JAZF1: variants seen among roughly 807,000 people sequenced by gnomAD.
The protein encoded by JAZF1 is juxtaposed with another zinc finger protein 1.
JAZF1 carries 8 observed loss-of-function variants against 26.4 expected under a neutral mutation model. That is an observed-to-expected ratio of 0.30 (90% CI 0.18 to 0.55). The LOEUF is 0.55. Among genes scored for constraint, JAZF1 ranks in the 20% least tolerant of loss-of-function variants. JAZF1 has a pLI of 0.94. For synonymous variants in JAZF1, 126 were observed against 122.3 expected (o/e 1.03, Z -0.20); for missense variants, 199 against 322.0 (o/e 0.62, Z 2.92).
At chr7:28,031,573 T>C (rs1783194318) in intron 1 of JAZF1, among the ~76,000 whole-genome samples, 1 of 152,198 alleles carries the variant, frequency 6.6e-6, no homozygotes, top group African/African-American at 2.4e-5. Flanking sequence ...TGTACGTTTG[T>C]GTATGCATAA....
chr7:28,142,124 G>C (rs1487408441), intron 1 of JAZF1, among the ~76,000 whole-genome samples: 1 of 152,170 alleles, frequency 6.6e-6, no homozygotes, highest in Non-Finnish European at 1.5e-5. Context: ...TCTTAATGAT[G>C]TTCAAGCATT....
intron 1 of JAZF1, among the ~76,000 whole-genome samples, chr7:28,087,823 C>G (rs1190233501): frequency 2.0e-5 from 3 of 152,060 alleles, no homozygotes; most frequent in African/African-American, 7.2e-5. Context: ...TGTTTCCTTC[C>G]TTTTGTTTTC....
chr7:28,122,600 C>T (rs1054937579), intron 1 of JAZF1, among the ~76,000 whole-genome samples: 2 of 152,160 alleles, frequency 1.3e-5, no homozygotes, highest in African/African-American at 4.8e-5. Flanking sequence ...GAGGAACCAG[C>T]TGGGCCTGAG....
intron 1 of JAZF1, among the ~76,000 whole-genome samples, chr7:28,115,495 A>T (rs1021841670): frequency 7.9e-5 from 12 of 152,220 alleles, no homozygotes; most frequent in African/African-American, 2.9e-4. Flanking sequence ...AAACCACTAC[A>T]GCTAATACAA....
At chr7:27,937,506 T>A (rs1358005962) in intron 2 of JAZF1, among the ~76,000 whole-genome samples, 1 of 152,180 alleles carries the variant, frequency 6.6e-6, no homozygotes, top group Non-Finnish European at 1.5e-5. Flanking sequence ...TTATTCTGGT[T>A]TGCTTATAGA....
At chr7:28,130,771 G>A (rs1040782080) in intron 1 of JAZF1, among the ~76,000 whole-genome samples, 1 of 152,088 alleles carries the variant, frequency 6.6e-6, no homozygotes, top group Non-Finnish European at 1.5e-5. Context: ...CTCTCGAAAG[G>A]GTGCTCGCTC....
At chr7:28,028,424 G>T (rs959257125) in intron 1 of JAZF1, among the ~76,000 whole-genome samples, 3 of 152,194 alleles carry the variant, frequency 2.0e-5, no homozygotes, top group African/African-American at 7.2e-5. Context: ...ATTCTTAAGG[G>T]TCATGTAGCA....
chr7:27,921,476 T>C (rs984630897), intron 2 of JAZF1, among the ~76,000 whole-genome samples: 3 of 152,118 alleles, frequency 2.0e-5, no homozygotes, highest in African/African-American at 4.8e-5. Flanking sequence ...AAAAGCATAA[T>C]TGTCAAAACT....
intron 1 of JAZF1, among the ~76,000 whole-genome samples, chr7:28,113,221 G>A (rs17156404): frequency 0.019 from 2,948 of 152,258 alleles, 99 homozygotes; most frequent in African/African-American, 0.068. Flanking sequence ...TATGGCGACA[G>A]ACTACAGTAT....
intron 1 of JAZF1, among the ~76,000 whole-genome samples, chr7:28,120,003 A>G (rs894239946): frequency 2.6e-5 from 4 of 152,166 alleles, no homozygotes; most frequent in African/African-American, 7.2e-5. Flanking sequence ...AGACAGATGT[A>G]GTCTTTTCTG....
intron 1 of JAZF1, among the ~76,000 whole-genome samples, chr7:28,140,067 G>T (rs1016045419): frequency 2.5e-4 from 37 of 146,800 alleles, no homozygotes; most frequent in Admixed American, 7.7e-4. Context: ...TCCTATAAAA[G>T]TTGAAAGTCA....
chr7:27,958,700 T>C (rs1349548638), intron 2 of JAZF1, among the ~76,000 whole-genome samples: 2 of 152,148 alleles, frequency 1.3e-5, no homozygotes, highest in Non-Finnish European at 2.9e-5. Context: ...TCACCATAAC[T>C]TGGGAGTAAA....
At chr7:27,923,968 G>A (rs2128348567) in intron 2 of JAZF1, among the ~76,000 whole-genome samples, 1 of 152,316 alleles carries the variant, frequency 6.6e-6, no homozygotes, top group South Asian at 2.1e-4. Context: ...CAAATTATGA[G>A]TGGGCCTTAT....
At chr7:28,111,869 C>G (rs949468490) in intron 1 of JAZF1, among the ~76,000 whole-genome samples, 48 of 152,128 alleles carry the variant, frequency 3.2e-4, no homozygotes, top group Non-Finnish European at 3.5e-4. Context: ...TGATCATTTC[C>G]CAGGTACAAC....
intron 1 of JAZF1, among the ~76,000 whole-genome samples, chr7:28,067,028 C>T (rs1339551923): frequency 6.6e-6 from 1 of 152,170 alleles, no homozygotes; most frequent in African/African-American, 2.4e-5. Context: ...TCCTTTGTAC[C>T]TGCCTACCCT....
chr7:27,914,763 T>C (rs1473020489), intron 2 of JAZF1: 5 of 471,170 alleles, frequency 1.1e-5, no homozygotes, highest in Non-Finnish European at 2.2e-5. Context: ...CTCAGGATGC[T>C]ACAGTAGATC....
At chr7:27,885,903 G>A (rs1211963417) in intron 3 of JAZF1, among the ~76,000 whole-genome samples, 1 of 152,092 alleles carries the variant, frequency 6.6e-6, no homozygotes, top group East Asian at 1.9e-4. Flanking sequence ...AATATTGTCT[G>A]CCCAAAAAGG....
At chr7:28,076,382 A>G (rs1469871795) in intron 1 of JAZF1, among the ~76,000 whole-genome samples, 1 of 152,232 alleles carries the variant, frequency 6.6e-6, no homozygotes, top group Non-Finnish European at 1.5e-5. Context: ...TGATATATCA[A>G]TTTAAAAACA....
chr7:28,167,486 A>C (rs1261046479), intron 1 of JAZF1, among the ~76,000 whole-genome samples: 7 of 152,240 alleles, frequency 4.6e-5, no homozygotes, highest in Admixed American at 4.6e-4. Flanking sequence ...CCTCACACTG[A>C]ACCACAGCTT....
Sources: allele counts gnomAD v4.1 joint callset (sites outside exome capture counted in the v4.1 genomes callset), GRCh38; gene constraint gnomAD v4.1.1; transcripts MANE v1.5; gene names NCBI Gene and HGNC (gene_info 2026-07-23, HGNC 2026-07-21).